The following FMN2 variants were observed in gnomAD, a reference collection of about 807,000 sequenced individuals.
FMN2 encodes formin 2, also known as formin-2.
A neutral mutation model predicts 142.3 loss-of-function variants in FMN2; 51 were observed. The observed-to-expected ratio is 0.36, with a 90% confidence interval of 0.29 to 0.45. The LOEUF (loss-of-function observed/expected upper bound fraction) is 0.45. Among genes scored for constraint, FMN2 ranks in the 20% least tolerant of loss-of-function variants. The probability of loss-of-function intolerance (pLI) is 1.00; values close to 1 mark genes in which losing one functional copy is unlikely to be tolerated. For missense variants in FMN2, 1,936 were observed against 2,122.8 expected (o/e 0.91, Z 1.73); for synonymous variants, 882 against 869.8 (o/e 1.01, Z -0.25).
chr1:240,280,644 C>G (rs1003949544), intron 7 of FMN2, among the ~76,000 whole-genome samples: 6 of 152,100 alleles, frequency 3.9e-5, no homozygotes, highest in Admixed American at 2.6e-4. Flanking sequence ...TTTTGCAGTG[C>G]TGGTTTACGG....
intron 15 of FMN2, among the ~76,000 whole-genome samples, chr1:240,432,266 TAA>T (rs1675204099): frequency 6.6e-6 from 1 of 152,008 alleles, no homozygotes; most frequent in Admixed American, 6.6e-5. Context: ...TTATTTCACT[TAA>T]GGTGTCAAAT....
At chr1:240,140,719 AT>A (rs1203535526) in intron 2 of FMN2, among the ~76,000 whole-genome samples, 4 of 152,134 alleles carry the variant, frequency 2.6e-5, no homozygotes, top group African/African-American at 9.7e-5. Context: ...GTATTTCCTG[AT>A]TTGCCTATCA....
intron 7 of FMN2, among the ~76,000 whole-genome samples, chr1:240,279,160 T>G (rs1356691115): frequency 6.6e-6 from 1 of 152,148 alleles, no homozygotes; most frequent in Non-Finnish European, 1.5e-5. Context: ...CATGCAAGCT[T>G]TTTAACACAG....
chr1:240,169,613 T>G (rs760846566), intron 2 of FMN2, among the ~76,000 whole-genome samples: 5 of 152,114 alleles, frequency 3.3e-5, no homozygotes, highest in African/African-American at 4.8e-5. Context: ...CACAGGAGTG[T>G]GCCACCACAC....
At chr1:240,267,547 A>G (rs1435007954) in intron 7 of FMN2, among the ~76,000 whole-genome samples, 1 of 151,714 alleles carries the variant, frequency 6.6e-6, no homozygotes, top group East Asian at 1.9e-4. Flanking sequence ...TAGGCTTAAT[A>G]CCTGGGTGAT....
intron 14 of FMN2, among the ~76,000 whole-genome samples, chr1:240,387,107 G>A (rs1393044699): frequency 6.6e-6 from 1 of 152,180 alleles, no homozygotes; most frequent in African/African-American, 2.4e-5. Context: ...AGAGTTACTG[G>A]TATTCTCTGA....
intron 15 of FMN2, among the ~76,000 whole-genome samples, chr1:240,415,359 G>A (rs566527734): frequency 6.3e-4 from 96 of 152,140 alleles, no homozygotes; most frequent in Non-Finnish European, 1.2e-3. Flanking sequence ...CACAGGGAGG[G>A]GAACATCACA....
At position 240,406,739 on chromosome 1, in the gene FMN2, G is replaced by T. The variant is rs74151664; in HGVS notation, c.4910+14177G>T. ...AAAGGGTGAATGTGGTTGGTTCCTA[G>T]ATAGGTAATATAAGCTCATGAAGGA... On this transcript the variant is annotated intron_variant, in intron 15 of 17. Transcript: ENST00000319653. Among the ~76,000 whole-genome samples, 694 of 152,252 alleles carry T rather than the reference G, an allele frequency of 4.6e-3. 5 individuals are homozygous for T. The highest frequency in any genetic ancestry group is 0.016 in the African/African-American group (659 of 41,552).
chr1:240,439,002 G>T (rs572596437), intron 16 of FMN2, among the ~76,000 whole-genome samples: 14 of 152,200 alleles, frequency 9.2e-5, no homozygotes, highest in African/African-American at 3.4e-4. Flanking sequence ...GCCAGGATCA[G>T]TGGCTCACAC....
At chr1:240,300,052 A>T (rs1157519344) in intron 8 of FMN2, among the ~76,000 whole-genome samples, 1 of 152,212 alleles carries the variant, frequency 6.6e-6, no homozygotes, top group Non-Finnish European at 1.5e-5. Flanking sequence ...CCACTATTTC[A>T]TCTCCATGTG....
At chr1:240,229,051 A>C (rs1474979407) in intron 6 of FMN2, among the ~76,000 whole-genome samples, 1 of 151,826 alleles carries the variant, frequency 6.6e-6, no homozygotes, top group African/African-American at 2.4e-5. Flanking sequence ...GGACACAGTC[A>C]CCAGAATCCC....
chr1:240,375,847 A>C (rs1445036135), intron 14 of FMN2, among the ~76,000 whole-genome samples: 1 of 151,978 alleles, frequency 6.6e-6, no homozygotes, highest in African/African-American at 2.4e-5. Context: ...TTTTCTTTCT[A>C]ATTTATTTAT....
chr1:240,458,873 A>C (rs1302306428), intron 16 of FMN2: 1 of 152,166 alleles, frequency 6.6e-6, no homozygotes, highest in Non-Finnish European at 1.5e-5. Context: ...AAACATTCTT[A>C]GAATGTACAG....
chr1:240,437,384 C>T (rs1008697250), intron 15 of FMN2, among the ~76,000 whole-genome samples: 3 of 148,908 alleles, frequency 2.0e-5, no homozygotes, highest in Non-Finnish European at 4.4e-5. Flanking sequence ...AGCTGTGCCT[C>T]CTGGGTTCAT....
At chr1:240,099,889 G>A (rs61828758) in intron 1 of FMN2, among the ~76,000 whole-genome samples, 5,774 of 152,030 alleles carry the variant, frequency 0.038, 195 homozygotes, top group Non-Finnish European at 0.053. Context: ...CTGTTCACCC[G>A]ATTCCATCCA....
chr1:240,296,724 C>T (rs1241408136), intron 8 of FMN2, among the ~76,000 whole-genome samples: 2 of 151,326 alleles, frequency 1.3e-5, no homozygotes, highest in African/African-American at 4.9e-5. Context: ...GAGATTGAGA[C>T]CGATGTAAGA....
chr1:240,304,030 T>C (rs1481563323), intron 8 of FMN2, among the ~76,000 whole-genome samples: 2 of 152,188 alleles, frequency 1.3e-5, no homozygotes, highest in Non-Finnish European at 2.9e-5. Flanking sequence ...TTTGATTTAT[T>C]TTCAGGTTTT....
At chr1:240,219,220 T>C (rs1235972668) in intron 6 of FMN2, among the ~76,000 whole-genome samples, 1 of 152,216 alleles carries the variant, frequency 6.6e-6, no homozygotes, top group Non-Finnish European at 1.5e-5. Flanking sequence ...GGGTTTGTCA[T>C]ACTAGAAATA....
rs1390150066 is a variant in FMN2, at chr1:240,220,553, A to G, written c.4065+9318A>G. ...TGTGAATACACACCTGCCAGGCTGCAGCCATCCAAGCAAGAGCAATCAGAG... is the reference window on the plus strand; with the variant it reads ...TGTGAATACACACCTGCCAGGCTGCGGCCATCCAAGCAAGAGCAATCAGAG... On this transcript the variant is annotated intron_variant, in intron 6 of 17. Transcript: ENST00000319653. Among the ~76,000 whole-genome samples the G allele has an allele frequency of 2.6e-4, 40 of 152,042 alleles. 1 individual carries two copies. The highest frequency in any genetic ancestry group is 2.6e-3 in the Admixed American group (40 of 15,248).
Sources: allele counts gnomAD v4.1 joint callset (sites outside exome capture counted in the v4.1 genomes callset), GRCh38; gene constraint gnomAD v4.1.1; transcripts MANE v1.5; gene names NCBI Gene and HGNC (gene_info 2026-07-23, HGNC 2026-07-21).